LAT: variants seen among roughly 807,000 people sequenced by gnomAD.
LAT encodes the protein linker for activation of T cells, also known as linker for activation of T-cells family member 1.
A neutral mutation model predicts 39.1 loss-of-function variants in LAT; 12 were observed. That is an observed-to-expected ratio of 0.31 (90% CI 0.20 to 0.50). The LOEUF is 0.50. LAT is among the 20% of genes least tolerant of loss of function. The pLI is 0.98. For missense variants in LAT, 253 were observed against 308.0 expected (o/e 0.82, Z 1.34); for synonymous variants, 117 against 123.8 (o/e 0.95, Z 0.36).
intron 8 of LAT, chr16:28,988,083 C>T (rs1164606376): frequency 6.7e-6 from 1 of 149,454 alleles, no homozygotes; most frequent in Non-Finnish European, 1.5e-5. Flanking sequence ...CAGAGTGAGA[C>T]CTTGTGTTAA....
Position 28,990,371 on chromosome 16 carries a change from C to G in LAT, c.*190C>G. 1 of 464,146 alleles carries G rather than the reference C, an allele frequency of 2.2e-6. No individual in the cohort carries two copies. The highest frequency in any genetic ancestry group is 4.2e-6 in the Non-Finnish European group (1 of 238,892). 28.8% of individuals were successfully genotyped at this position (464,146 alleles called of 1,614,324 possible). On this transcript the variant is annotated 3_prime_UTR_variant, in exon 12 of 12. Transcript: ENST00000395456. ...CCTGTGTCCCCCGAACGCTCTGCAC[C>G]TTCTGACGCAGCCTGAGAATGACCT...
At position 28,985,940 on chromosome 16, in the gene LAT, G is replaced by A; in HGVS notation, c.163+52G>A. ...TGGGTGCCAGGGAGAGGGTCCCCTGGTGTGGGAGTGAGCGTGAACCTTCAG... is the reference window on the plus strand; with the variant it reads ...TGGGTGCCAGGGAGAGGGTCCCCTGATGTGGGAGTGAGCGTGAACCTTCAG... On this transcript the variant is annotated intron_variant, in intron 3 of 11. Transcript: ENST00000395456. This position sits in a 1 kb window ranked among gnomAD's most constrained non-coding sequence, Gnocchi z 4.6. 6.3e-7 allele frequency: 1 copy of A among 1,592,812 alleles called. No individual in the cohort carries two copies. The highest frequency in any genetic ancestry group is 8.6e-7 in the Non-Finnish European group (1 of 1,160,590).
chr16:28,990,091 GC>G (rs1965839617), intron 11 of LAT, 72 bp downstream of exon 11: 5 of 1,293,214 alleles, frequency 3.9e-6, no homozygotes, highest in South Asian at 1.3e-5. Flanking sequence ...GGACCCCCTT[GC>G]CCAACCCTAC....
rs1471595668 is a variant in LAT at position 28,986,972 on chromosome 16, C to T, written c.493+79C>T. 2 of 1,176,826 alleles carry T rather than the reference C, an allele frequency of 1.7e-6. No individual in the cohort carries two copies. Among genetic ancestry groups the T allele is most frequent in the Non-Finnish European group, 2.4e-6 (2 of 828,224 alleles). 72.9% of individuals were successfully genotyped at this position (1,176,826 alleles called of 1,614,324 possible). On this transcript the variant is annotated intron_variant, in intron 8 of 11. Coordinates refer to ENST00000395456, the MANE Select transcript of LAT (RefSeq NM_001014987.2). This position sits in a 1 kb window ranked among gnomAD's most constrained non-coding sequence, Gnocchi z 5.7. The stretch of plus-strand genomic sequence containing the variant: ...GCAGTGGTGCCATTGTAGCTCGCTG[C>T]AGCCTTGAACTCCTGGGCTCCAGTG...
Position 28,986,062 on chromosome 16 carries a change from A to G in LAT, c.164-73A>G, listed in dbSNP as rs1877118646. 7.0e-7 allele frequency: 1 copy of G among 1,422,902 alleles called. No individual in the cohort carries two copies. Among genetic ancestry groups the G allele is most frequent in the African/African-American group, 1.4e-5 (1 of 70,670 alleles). 88.1% of individuals were successfully genotyped at this position (1,422,902 alleles called of 1,614,324 possible). ...GGCCTGTCCAGGGTGTGGGGCTTTC[A>G]GGGGCTTAGTCTGTTCTTTGAGGCC... On this transcript the variant is annotated intron_variant, in intron 3 of 11. Transcript: ENST00000395456. The surrounding 1 kb of genome is among the most constrained non-coding windows in gnomAD (Gnocchi z 5.7).
chr16:28,989,473 C>T, intron 8 of LAT, 54 bp from the exon 9 acceptor site: 1 of 1,509,902 alleles, frequency 6.6e-7, no homozygotes, highest in African/African-American at 1.4e-5. Flanking sequence ...CTCTGGGAAC[C>T]TGTGGCCAAG....
rs762993390 is a variant in LAT at position 28,986,473 on chromosome 16, C to T, written c.310+27C>T. The T allele has an allele frequency of 1.5e-5, 25 of 1,613,330 alleles. No homozygotes were observed. The highest frequency in any genetic ancestry group is 1.6e-4 in the Middle Eastern group (1 of 6,082). ...TAAGTGTGGGGAAGGGTTCAGGCGG[C>T]GGGGGCTGGGAAGAAGATAGGCCTG... On this transcript the variant is annotated intron_variant, in intron 5 of 11. Transcript: ENST00000395456. The surrounding 1 kb of genome is among the most constrained non-coding windows in gnomAD (Gnocchi z 5.7).
rs774671847 is a variant in LAT, at chr16:28,985,918, G to T, written c.163+30G>T. 1.2e-6 allele frequency: 2 copies of T among 1,611,732 alleles called. No individual in the cohort carries two copies. Among genetic ancestry groups the T allele is most frequent in the African/African-American group, 1.3e-5 (1 of 74,874 alleles). On this transcript the variant is annotated intron_variant, in intron 3 of 11. Transcript: ENST00000395456. This position sits in a 1 kb window ranked among gnomAD's most constrained non-coding sequence, Gnocchi z 4.6. Reference sequence around the variant, plus strand: ...GTACAAGGAGGGTCCCCTACCTTGGGTGCCAGGGAGAGGGTCCCCTGGTGT... The same window carrying T: ...GTACAAGGAGGGTCCCCTACCTTGGTTGCCAGGGAGAGGGTCCCCTGGTGT...
At position 28,986,761 on chromosome 16, in the gene LAT, T is replaced by TC. The variant is rs1567531456; in HGVS notation, c.399-32dup. ...GGGAGGTGAGGGCTGAGGCTGTGCG[T>TC]CCCCCCTTGCTCACCGGCCCTTTTC... is the stretch of plus-strand genomic sequence containing the variant. On this transcript the variant is annotated intron_variant, in intron 7 of 11. Transcript: ENST00000395456. The surrounding 1 kb of genome is among the most constrained non-coding windows in gnomAD (Gnocchi z 5.7). 5.6e-6 allele frequency: 9 copies of TC among 1,609,262 alleles called. No individual in the cohort carries two copies. Among genetic ancestry groups the TC allele is most frequent in the African/African-American group, 1.3e-5 (1 of 74,730 alleles).
rs1483412828 is a variant in LAT at position 28,986,257 on chromosome 16, C to T, written c.245+41C>T. The T allele has an allele frequency of 6.5e-7, 1 of 1,549,996 alleles. No homozygotes were observed. The highest frequency in any genetic ancestry group is 1.2e-5 in the South Asian group (1 of 85,320). Reference sequence around the variant, plus strand: ...GCCCCTGCCCCTCCAAAGCTCAGCCCCTCCCCCTCCAAACTCCACTCTCTA... The same window carrying T: ...GCCCCTGCCCCTCCAAAGCTCAGCCTCTCCCCCTCCAAACTCCACTCTCTA... On this transcript the variant is annotated intron_variant, in intron 4 of 11. Transcript: ENST00000395456. The surrounding 1 kb of genome is among the most constrained non-coding windows in gnomAD (Gnocchi z 5.7).
upstream of LAT, chr16:28,984,854 T>C: frequency 6.5e-7 from 1 of 1,550,032 alleles, no homozygotes; most frequent in Non-Finnish European, 8.7e-7. Flanking sequence ...CCTCCCCGGG[T>C]CCTGGATATG....
chr16:28,986,108 T>C lies in LAT; in HGVS notation c.164-27T>C, dbSNP rs2141684691. 1.3e-6 allele frequency: 2 copies of C among 1,568,200 alleles called. No individual in the cohort carries two copies. The highest frequency in any genetic ancestry group is 2.3e-5 in the South Asian group (2 of 85,190). On this transcript the variant is annotated intron_variant, in intron 3 of 11. Transcript: ENST00000395456. The surrounding 1 kb of genome is among the most constrained non-coding windows in gnomAD (Gnocchi z 5.7). ...AGGCCTTGACGATGTCCGGAGTCCT[T>C]CTTTCAACTTGGTTCTGTGTCCTCA...
intron 11 of LAT, 63 bp downstream of exon 11, chr16:28,990,082 G>A: frequency 7.1e-7 from 1 of 1,407,270 alleles, no homozygotes; most frequent in Non-Finnish European, 9.8e-7. Flanking sequence ...TTCCCTCCAG[G>A]ACCCCCTTGC....
chr16:28,987,939 AAAATT>A (rs1965795555), intron 8 of LAT: 2 of 151,908 alleles, frequency 1.3e-5, no homozygotes, highest in South Asian at 4.2e-4. Context: ...AAAAAAAAAA[AAAATT>A]AGCCAAGCGT....
chr16:28,985,326 C>A lies in LAT; in HGVS notation c.-92C>A. On this transcript the variant is annotated 5_prime_UTR_variant, in exon 1 of 12. Transcript: ENST00000395456. The surrounding 1 kb of genome is among the most constrained non-coding windows in gnomAD (Gnocchi z 4.6). Reference sequence around the variant, plus strand: ...TGCCTACCTGCCCCCTGCTCCCTGCCGGGTCCGGTCCTCACCCCATCTTCA... The same window carrying A: ...TGCCTACCTGCCCCCTGCTCCCTGCAGGGTCCGGTCCTCACCCCATCTTCA... 1 of 1,562,856 alleles carries A rather than the reference C, an allele frequency of 6.4e-7. No homozygotes were observed. Among genetic ancestry groups the A allele is most frequent in the Middle Eastern group, 2.3e-4 (1 of 4,304 alleles).
At position 28,985,386 on chromosome 16, in the gene LAT, G is replaced by T. The variant is rs768930245; in HGVS notation, c.-32G>T. Reference sequence around the variant, plus strand: ...GACTCTGCCCTTGAGGGGCCTAGGGGTGCAGCCAGCCTGCTCCGAGCTCCC... The same window carrying T: ...GACTCTGCCCTTGAGGGGCCTAGGGTTGCAGCCAGCCTGCTCCGAGCTCCC... On this transcript the variant is annotated 5_prime_UTR_variant, in exon 1 of 12. Coordinates refer to ENST00000395456, the MANE Select transcript of LAT (RefSeq NM_001014987.2). This position sits in a 1 kb window ranked among gnomAD's most constrained non-coding sequence, Gnocchi z 4.6. 5.6e-6 allele frequency: 9 copies of T among 1,612,148 alleles called. No homozygotes were observed. The highest frequency in any genetic ancestry group is 4.5e-5 in the East Asian group (2 of 44,880).
At position 28,990,036 on chromosome 16, in the gene LAT, G is replaced by C. The variant is rs1394286084; in HGVS notation, c.*7+17G>C. 1.3e-6 allele frequency: 2 copies of C among 1,597,206 alleles called. No individual in the cohort carries two copies. Among genetic ancestry groups the C allele is most frequent in the South Asian group, 2.2e-5 (2 of 89,594 alleles). On this transcript the variant is annotated intron_variant, in intron 11 of 11. Transcript: ENST00000395456. ...GAGGGCCTGGTGAGAGGCCTGCCCT[G>C]TCCCCACCCTGCCCTGGGCCCACAG...
At position 28,986,709 on chromosome 16, in the gene LAT, C is replaced by G; in HGVS notation, c.393C>G (p.Gly131=). 6.2e-7 allele frequency: 1 copy of G among 1,612,820 alleles called. No homozygotes were observed. The highest frequency in any genetic ancestry group is 8.5e-7 in the Non-Finnish European group (1 of 1,179,316). ...DEDEDDYHNP[G]YLVVLPDSTP... Reference sequence around the variant, plus strand: ...ATGAGGACGACTATCACAACCCAGGCTACCTGTGAGTGGCCAGGTGGGAGG... The same window carrying G: ...ATGAGGACGACTATCACAACCCAGGGTACCTGTGAGTGGCCAGGTGGGAGG... Residue 131 remains glycine (G), a synonymous_variant, in exon 7 of 12, where the codon GGC becomes GGG. Coordinates refer to ENST00000395456, the MANE Select transcript of LAT (RefSeq NM_001014987.2). The surrounding 1 kb of genome is among the most constrained non-coding windows in gnomAD (Gnocchi z 5.7).
In LAT at chr16:28,990,716, G is replaced by C. The variant is rs1965848939; in HGVS notation, c.*535G>C. The C allele has an allele frequency of 6.3e-6, 1 of 158,466 alleles. No individual in the cohort carries two copies. The highest frequency in any genetic ancestry group is 6.3e-5 in the Admixed American group (1 of 15,824). 9.8% of individuals were successfully genotyped at this position (158,466 alleles called of 1,614,324 possible). ...ATCCTTAGACCAAGGGATGGGACCT[G>C]ATGACCTGGGAGGACTCTCTTAGTT... On this transcript the variant is annotated 3_prime_UTR_variant, in exon 12 of 12. Transcript: ENST00000395456.
Sources: allele counts gnomAD v4.1 joint callset, GRCh38; gene constraint gnomAD v4.1.1; non-coding constraint Gnocchi (gnomAD v3.1); transcripts MANE v1.5; gene names NCBI Gene and HGNC (gene_info 2026-07-23, HGNC 2026-07-21).